Variants in SMC4 observed in about 807,000 individuals in gnomAD.
SMC4 encodes the protein structural maintenance of chromosomes 4, also known as structural maintenance of chromosomes protein 4.
Under a neutral mutation model 145.6 loss-of-function variants are expected in SMC4, and 87 were observed. That is an observed-to-expected ratio of 0.60 (90% confidence interval 0.50 to 0.71). The LOEUF (loss-of-function observed/expected upper bound fraction) is 0.71, where lower values mean the gene tolerates loss of function less well. Among genes scored for constraint, SMC4 ranks in the 30% least tolerant of loss-of-function variants. SMC4 has a pLI of 0.00. For synonymous variants in SMC4, 558 were observed against 500.7 expected (o/e 1.11, Z -1.53); for missense variants, 1,447 against 1,537.1 (o/e 0.94, Z 0.98).
Position 160,426,098 on chromosome 3 carries a change from T to A in SMC4, c.2503T>A (p.Leu835Met). Reference protein sequence around the residue: ...IQRLIEQEEYLNVQVKELEAN... With the variant: ...IQRLIEQEEYMNVQVKELEAN... ...GCGTTTAATAGAGCAAGAAGAATAT[T>A]TGAATGTCCAAGTTAAGGAACTTGA... Residue 835 changes from leucine (L) to methionine (M), a missense_variant, in exon 17 of 24, where the codon TTG (leucine) becomes ATG (methionine). Physicochemically the swap from Leu to Met is conservative, Grantham distance 15 (BLOSUM62 2). Coordinates refer to ENST00000357388, the MANE Select transcript of SMC4 (RefSeq NM_001002800.3). 6.2e-7 allele frequency: 1 copy of A among 1,605,602 alleles called. No individual in the cohort carries two copies. Among genetic ancestry groups the A allele is most frequent in the Non-Finnish European group, 8.5e-7 (1 of 1,175,916 alleles).
Position 160,431,108 on chromosome 3 carries a change from C to T in SMC4, c.3017C>T (p.Ala1006Val). The change falls in exon 20 of 24, where the codon GCT (alanine) becomes GTT (valine). Residue 1006 changes from alanine to valine, a missense_variant. Physicochemically the swap from Ala to Val is moderately conservative, Grantham distance 64. Transcript: ENST00000357388. ...AAAGTTATTCAAGAAAATGAACATGCTCTTCAAAAAGATGCACTTAGTATT... is the reference window on the plus strand; with the variant it reads ...AAAGTTATTCAAGAAAATGAACATGTTCTTCAAAAAGATGCACTTAGTATT... ...ELKVIQENEH[A>V]LQKDALSIKL... is the part of the protein sequence containing the mutation. The T allele has an allele frequency of 1.9e-6, 3 of 1,607,594 alleles. No individual in the cohort carries two copies. The highest frequency in any genetic ancestry group is 1.7e-6 in the Non-Finnish European group (2 of 1,178,024).
chr3:160,404,161 C>T, intron 4 of SMC4, 167 bp from the exon 5 acceptor site: 1 of 580,620 alleles, frequency 1.7e-6, no homozygotes, highest in Non-Finnish European at 2.9e-6. Context: ...AGTATCAATT[C>T]TTTGCTAAGT....
Position 160,432,162 on chromosome 3 carries a change from A to G in SMC4, c.3298-121A>G. The G allele has an allele frequency of 6.5e-6, 5 of 771,228 alleles. No homozygotes were observed. The South Asian group carries it at 9.3e-5, about 14-fold the overall frequency. The allele number at this position is 771,228 out of a possible 1,614,324, so 47.8% of individuals were successfully genotyped here. A position where few individuals can be genotyped will look rare whatever the true frequency, so the allele number is the denominator to read the frequency against. ...GGTTGCCGTGAGCCGAGATCGCGCCATTGCACTCCAGCCTGGGCGTCAGGG... is the reference window on the plus strand; with the variant it reads ...GGTTGCCGTGAGCCGAGATCGCGCCGTTGCACTCCAGCCTGGGCGTCAGGG... On this transcript the variant is annotated intron_variant, in intron 21 of 23. Transcript: ENST00000357388.
At chr3:160,410,352 A>G (rs762361276) in intron 5 of SMC4, among the ~76,000 whole-genome samples, 2 of 152,198 alleles carry the variant, frequency 1.3e-5, no homozygotes, top group Non-Finnish European at 2.9e-5. Context: ...CCCTACGTAG[A>G]TACAAACTTG....
chr3:160,401,207 T>A (rs888443503), intron 2 of SMC4, among the ~76,000 whole-genome samples: 1 of 151,980 alleles, frequency 6.6e-6, no homozygotes, highest in African/African-American at 2.4e-5. Context: ...AATTTTTGTT[T>A]GTGACCTGTG....
chr3:160,409,494 A>C (rs142573874), intron 5 of SMC4, among the ~76,000 whole-genome samples: 2 of 152,140 alleles, frequency 1.3e-5, no homozygotes, highest in African/African-American at 2.4e-5. Flanking sequence ...GCTGTACTCT[A>C]TCTCTTCAGT....
intron 17 of SMC4, among the ~76,000 whole-genome samples, chr3:160,427,743 A>G (rs1717946920): frequency 6.6e-6 from 1 of 152,224 alleles, no homozygotes; most frequent in Non-Finnish European, 1.5e-5. Context: ...ATTTTTAAAT[A>G]AAGGCTACAG....
intron 6 of SMC4, 61 bp downstream of exon 6, chr3:160,412,145 T>C: frequency 1.9e-6 from 3 of 1,551,530 alleles, no homozygotes; most frequent in Non-Finnish European, 2.6e-6. Context: ...CTAACAAATT[T>C]TAGTAAGTCA....
intron 7 of SMC4, chr3:160,412,668 C>T: frequency 2.1e-6 from 2 of 972,580 alleles, no homozygotes; most frequent in Admixed American, 4.4e-5. Context: ...TCAAGACCAG[C>T]CTGGGCAACA....
At chr3:160,413,094 C>T (rs954983237) in intron 7 of SMC4, among the ~76,000 whole-genome samples, 1 of 152,074 alleles carries the variant, frequency 6.6e-6, no homozygotes, top group Admixed American at 6.6e-5. Context: ...ACCAACACAC[C>T]TGGCTAATTA....
At chr3:160,415,003 G>C (rs930006062) in intron 9 of SMC4, among the ~76,000 whole-genome samples, 1 of 152,036 alleles carries the variant, frequency 6.6e-6, no homozygotes, top group Non-Finnish European at 1.5e-5. Flanking sequence ...TTTAAGTTAG[G>C]TATTACAGAC....
chr3:160,433,563 G>T, intron 23 of SMC4, 94 bp from the exon 24 acceptor site: 1 of 709,414 alleles, frequency 1.4e-6, no homozygotes, highest in Non-Finnish European at 2.3e-6. Flanking sequence ...TGTTATCAAT[G>T]TAATGTTTAT....
intron 5 of SMC4, among the ~76,000 whole-genome samples, chr3:160,411,523 A>G (rs537096721): frequency 4.9e-4 from 74 of 152,212 alleles, no homozygotes; most frequent in Non-Finnish European, 9.4e-4. Context: ...CAATTGTGTT[A>G]TTAACAATTG....
chr3:160,411,336 T>C (rs1036391950), intron 5 of SMC4, among the ~76,000 whole-genome samples: 1 of 152,190 alleles, frequency 6.6e-6, no homozygotes, highest in Admixed American at 6.5e-5. Context: ...AAGGCTCTTG[T>C]TTTTAGAAAA....
Position 160,431,072 on chromosome 3 carries a change from T to C in SMC4, c.2981T>C (p.Leu994Pro), listed in dbSNP as rs1294099326. The change falls in exon 20 of 24, where the codon CTT becomes CCT. Residue 994 changes from leucine (L) to proline (P), a missense_variant. Coordinates refer to ENST00000357388, the MANE Select transcript of SMC4 (RefSeq NM_001002800.3). ...PEIQKEHRNL[L>P]QELKVIQENE... ...ATCCAGAAAGAACATCGCAATCTGC[T>C]TCAAGAATTAAAAGTTATTCAAGAA... 1 of 1,608,234 alleles carries C rather than the reference T, an allele frequency of 6.2e-7. No homozygotes were observed. The highest frequency in any genetic ancestry group is 8.5e-7 in the Non-Finnish European group (1 of 1,178,446).
intron 1 of SMC4, chr3:160,400,581 A>G (rs1197975875): frequency 2.3e-5 from 11 of 471,810 alleles, no homozygotes; most frequent in African/African-American, 8.3e-5. Context: ...CAGTTGCTCA[A>G]TCGTTGATTG....
At chr3:160,403,933 C>T (rs1239810004) in intron 4 of SMC4, 1 of 164,538 alleles carries the variant, frequency 6.1e-6, no homozygotes, top group Non-Finnish European at 1.3e-5. Flanking sequence ...TACCTTCCTT[C>T]CTTTTTCTTT....
intron 22 of SMC4, 44 bp from the exon 23 acceptor site, chr3:160,432,982 T>G (rs1344038880): frequency 1.4e-6 from 2 of 1,389,244 alleles, no homozygotes; most frequent in African/African-American, 1.4e-5. Context: ...GTCTTAACTT[T>G]AGCTTTACAG....
At chr3:160,413,984 A>G (rs757786607) in intron 8 of SMC4, 90 of 317,162 alleles carry the variant, frequency 2.8e-4, no homozygotes, top group Non-Finnish European at 3.6e-4. Context: ...CCATTTTTCA[A>G]TGACACTAGT....
Sources: gnomAD v4.1 joint callset for allele counts (sites outside exome capture counted in the v4.1 genomes callset) on GRCh38, gnomAD v4.1.1 for gene constraint, MANE v1.5 for transcripts, NCBI Gene and HGNC (gene_info 2026-07-23, HGNC 2026-07-21) for gene names.